Variants in ABHD2 observed in about 807,000 individuals in gnomAD.
The protein encoded by ABHD2 is abhydrolase domain containing 2, acylglycerol lipase, also known as monoacylglycerol lipase ABHD2.
A neutral mutation model predicts 48.1 loss-of-function variants in ABHD2; 20 were observed. That is an observed-to-expected ratio of 0.42 (90% CI 0.29 to 0.60). The LOEUF (loss-of-function observed/expected upper bound fraction) is 0.60. ABHD2 is among the 20% of genes least tolerant of loss of function. The probability of loss-of-function intolerance (pLI) is 0.24; values close to 1 mark genes in which losing one functional copy is unlikely to be tolerated. For missense variants in ABHD2, 405 were observed against 550.9 expected (o/e 0.74, Z 2.65); for synonymous variants, 209 against 214.2 (o/e 0.98, Z 0.21).
rs914379948 is a variant in ABHD2, at chr15:89,200,802, G to T, written c.*5379G>T. 1.5e-5 allele frequency: 4 copies of T among 259,602 alleles called. No individual in the cohort carries two copies. In the South Asian group the frequency reaches 2.7e-4, roughly 17 times the overall value. The allele number at this position is 259,602 out of a possible 1,614,324, so 16.1% of individuals were successfully genotyped here. On this transcript the variant is annotated 3_prime_UTR_variant, in exon 11 of 11. Transcript: ENST00000352732. ...TTTCCCTAGAAAGAATCCAATGAAG[G>T]CCGGGCATAGTGGCTCACTCCTGTA...
intron 5 of ABHD2, among the ~76,000 whole-genome samples, chr15:89,156,088 C>T (rs1325644111): frequency 6.7e-6 from 1 of 150,126 alleles, no homozygotes; most frequent in African/African-American, 2.4e-5. Context: ...GCCTGTAATC[C>T]CTTCTCTAGT....
intron 9 of ABHD2, among the ~76,000 whole-genome samples, chr15:89,192,062 C>T (rs1042199756): frequency 6.6e-6 from 1 of 152,216 alleles, no homozygotes; most frequent in African/African-American, 2.4e-5. Flanking sequence ...ACAAGCCAGT[C>T]CCTCTCATTC....
At chr15:89,145,593 C>T (rs910031154) in intron 3 of ABHD2, among the ~76,000 whole-genome samples, 1 of 152,186 alleles carries the variant, frequency 6.6e-6, no homozygotes, top group Non-Finnish European at 1.5e-5. Flanking sequence ...TTTCAGGGGA[C>T]GTCTGTCCCC....
chr15:89,181,529 G>T (rs915971834), intron 6 of ABHD2, among the ~76,000 whole-genome samples: 2 of 151,618 alleles, frequency 1.3e-5, no homozygotes, highest in African/African-American at 2.4e-5. Flanking sequence ...CCCTTTTTGG[G>T]GTGTTAAGGT....
the ABHD2 span, among the ~76,000 whole-genome samples, chr15:89,049,959 G>T: frequency 6.6e-6 from 1 of 152,178 alleles, no homozygotes; most frequent in African/African-American, 2.4e-5. Context: ...CAAGTAGTGG[G>T]CTCTGGGCAG....
Position 89,177,593 on chromosome 15 carries a change from C to T in ABHD2, c.722+1598C>T, listed in dbSNP as rs1291049709. Among the ~76,000 whole-genome samples the T allele has an allele frequency of 6.6e-6, 1 of 152,164 alleles. No homozygotes were observed. The highest frequency in any genetic ancestry group is 1.5e-5 in the Non-Finnish European group (1 of 68,036). ...TTAGTGACCTCAGTGGTCTCTCCAGCTGCTCTCGCGTTCCAGGACCAGGCT... is the reference window on the plus strand; with the variant it reads ...TTAGTGACCTCAGTGGTCTCTCCAGTTGCTCTCGCGTTCCAGGACCAGGCT... On this transcript the variant is annotated intron_variant, in intron 6 of 10. Coordinates refer to ENST00000352732, the MANE Select transcript of ABHD2 (RefSeq NM_152924.5). The surrounding 1 kb of genome is among the most constrained non-coding windows in gnomAD (Gnocchi z 5.6).
the ABHD2 span, among the ~76,000 whole-genome samples, chr15:89,048,573 A>G: frequency 5.9e-5 from 9 of 152,120 alleles, no homozygotes; most frequent in East Asian, 1.7e-3. Flanking sequence ...ATAGTCGCAT[A>G]TTTCTTGGAG....
the ABHD2 span, among the ~76,000 whole-genome samples, chr15:89,051,900 G>A: frequency 6.6e-6 from 1 of 152,184 alleles, no homozygotes; most frequent in Non-Finnish European, 1.5e-5. Flanking sequence ...GGTACATATA[G>A]GGGAGGTGGG....
In ABHD2 at chr15:89,182,735, G is replaced by A. The variant is rs1045620951; in HGVS notation, c.723-2689G>A. Among the ~76,000 whole-genome samples the A allele has an allele frequency of 6.6e-6, 1 of 152,202 alleles. No individual in the cohort carries two copies. Among genetic ancestry groups the A allele is most frequent in the Non-Finnish European group, 1.5e-5 (1 of 68,030 alleles). On this transcript the variant is annotated intron_variant, in intron 6 of 10. Transcript: ENST00000352732. This position sits in a 1 kb window ranked among gnomAD's most constrained non-coding sequence, Gnocchi z 4.8. ...TTGAACCCAGGAGGTGGAGGTTGCAGTGAGCTGAGATCACACCACTGCACT... is the reference window on the plus strand; with the variant it reads ...TTGAACCCAGGAGGTGGAGGTTGCAATGAGCTGAGATCACACCACTGCACT...
the ABHD2 span, among the ~76,000 whole-genome samples, chr15:89,069,674 CTTTTTTTTTT>C: frequency 2.3e-4 from 12 of 52,904 alleles, no homozygotes; most frequent in East Asian, 4.1e-3. Flanking sequence ...TTCATTTACT[CTTTTTTTTTT>C]TTTTTTTTTT....
chr15:89,072,633 T>C, the ABHD2 span, among the ~76,000 whole-genome samples: 1 of 151,894 alleles, frequency 6.6e-6, no homozygotes, highest in Non-Finnish European at 1.5e-5. Flanking sequence ...TGGGGTTTAT[T>C]TAGCCACTGA....
chr15:89,189,391 G>C lies in ABHD2; in HGVS notation c.926+1088G>C, dbSNP rs1044115982. Among the ~76,000 whole-genome samples, 1 of 152,096 alleles carries C rather than the reference G, an allele frequency of 6.6e-6. No individual in the cohort carries two copies. Among genetic ancestry groups the C allele is most frequent in the Admixed American group, 6.6e-5 (1 of 15,264 alleles). On this transcript the variant is annotated intron_variant, in intron 8 of 10. Coordinates refer to ENST00000352732, the MANE Select transcript of ABHD2 (RefSeq NM_152924.5). This position sits in a 1 kb window ranked among gnomAD's most constrained non-coding sequence, Gnocchi z 4.9. ...ACCTGTAGTCCCAGCTGCTTAGGAG[G>C]CTGAGACAGGAGGATCACTTGAGCT...
At chr15:89,148,434 A>T (rs1029438096) in intron 3 of ABHD2, among the ~76,000 whole-genome samples, 3 of 152,230 alleles carry the variant, frequency 2.0e-5, no homozygotes, top group Admixed American at 6.5e-5. Context: ...CCAGAATGTA[A>T]AAGATTAATA....
At chr15:89,080,196 T>C in the ABHD2 span, among the ~76,000 whole-genome samples, 4 of 152,340 alleles carry the variant, frequency 2.6e-5, no homozygotes, top group South Asian at 2.1e-4. Context: ...CCACTGTCTC[T>C]GCCTGAGTTC....
chr15:89,073,543 C>A, the ABHD2 span, among the ~76,000 whole-genome samples: 5 of 152,128 alleles, frequency 3.3e-5, no homozygotes, highest in Admixed American at 2.6e-4. Context: ...GTGATCCACC[C>A]TCCTCGGCCT....
intron 3 of ABHD2, among the ~76,000 whole-genome samples, chr15:89,129,158 C>T (rs1198412573): frequency 2.0e-5 from 3 of 151,996 alleles, no homozygotes; most frequent in Admixed American, 6.6e-5. Context: ...GGTGGGAGCT[C>T]AAGACCAGAT....
intron 1 of ABHD2, chr15:89,103,792 C>G (rs1380332097): frequency 6.6e-6 from 1 of 152,298 alleles, no homozygotes. Flanking sequence ...CTCTCATAAT[C>G]AGCAGGACTG....
chr15:89,087,985 C>T (rs971698023), upstream of ABHD2: 2 of 152,232 alleles, frequency 1.3e-5, no homozygotes, highest in Non-Finnish European at 2.9e-5. The surrounding 1 kb of genome is among the most constrained non-coding windows in gnomAD (Gnocchi z 5.5). Flanking sequence ...CGGCCTGGAC[C>T]CATAAGAGCC....
chr15:89,053,438 A>G, the ABHD2 span, among the ~76,000 whole-genome samples: 1 of 152,234 alleles, frequency 6.6e-6, no homozygotes, highest in South Asian at 2.1e-4. Context: ...TGACCAGGCC[A>G]GGGACCCTTA....
Sources: allele counts gnomAD v4.1 joint callset (sites outside exome capture counted in the v4.1 genomes callset), GRCh38; gene constraint gnomAD v4.1.1; non-coding constraint Gnocchi (gnomAD v3.1); transcripts MANE v1.5; gene names NCBI Gene and HGNC (gene_info 2026-07-23, HGNC 2026-07-21).